KCNQ5: variants seen among roughly 807,000 people sequenced by gnomAD.
The protein encoded by KCNQ5 is potassium voltage-gated channel subfamily KQT member 5.
Under a neutral mutation model 98.2 loss-of-function variants are expected in KCNQ5, and 30 were observed. The observed-to-expected ratio is 0.31, with a 90% CI of 0.23 to 0.41. The LOEUF (loss-of-function observed/expected upper bound fraction) is 0.41, where lower values mean the gene tolerates loss of function less well. KCNQ5 is among the 10% of genes least tolerant of loss of function. The pLI is 1.00. For synonymous variants in KCNQ5, 458 were observed against 449.4 expected, an observed-to-expected ratio of 1.02 and a Z score of -0.24; for missense variants, 835 against 1,182.5, an observed-to-expected ratio of 0.71 and a Z score of 4.31.
intron 1 of KCNQ5, among the ~76,000 whole-genome samples, chr6:72,902,483 A>G (rs547991836): frequency 5.9e-4 from 90 of 152,198 alleles, no homozygotes; most frequent in African/African-American, 1.8e-3. Flanking sequence ...TGGGTTTGTC[A>G]TACATGACTT....
chr6:72,737,466 T>A (rs1770907496), intron 1 of KCNQ5, among the ~76,000 whole-genome samples: 1 of 151,626 alleles, frequency 6.6e-6, no homozygotes, highest in Admixed American at 6.6e-5. Context: ...AAAACACAGG[T>A]GATTTTTTTT....
chr6:72,801,755 T>C (rs561617488), intron 1 of KCNQ5, among the ~76,000 whole-genome samples: 6 of 152,288 alleles, frequency 3.9e-5, no homozygotes, highest in East Asian at 1.9e-4. Context: ...GGTTTTGCAG[T>C]GGCTGGTACC....
chr6:72,649,055 C>T (rs1396903356), intron 1 of KCNQ5, among the ~76,000 whole-genome samples: 1 of 152,080 alleles, frequency 6.6e-6, no homozygotes. Flanking sequence ...CTTCATGTGA[C>T]CAAACAAATG....
intron 1 of KCNQ5, among the ~76,000 whole-genome samples, chr6:72,747,568 T>C (rs1449325557): frequency 6.6e-6 from 1 of 152,104 alleles, no homozygotes; most frequent in African/African-American, 2.4e-5. Context: ...TCTTTCTCAG[T>C]CAGACAATTC....
chr6:72,654,464 C>CA (rs1766041729), intron 1 of KCNQ5, among the ~76,000 whole-genome samples: 1 of 151,952 alleles, frequency 6.6e-6, no homozygotes. Flanking sequence ...GATGGAAATA[C>CA]ATAAATTTGT....
chr6:72,794,684 C>T (rs550953049), intron 1 of KCNQ5, among the ~76,000 whole-genome samples: 2 of 152,228 alleles, frequency 1.3e-5, no homozygotes, highest in East Asian at 1.9e-4. Context: ...AAGGTTAGCA[C>T]TTAATGAGGG....
Position 73,069,821 on chromosome 6 carries a change from G to A in KCNQ5, c.617-7501G>A, listed in dbSNP as rs149588441. On this transcript the variant is annotated intron_variant, in intron 3 of 13. Coordinates refer to ENST00000370398, the MANE Select transcript of KCNQ5 (RefSeq NM_019842.4). ...TGATCTTTCTTCTATGTATTGGAAG[G>A]CCTTTTTTAAATCACAGAGGTAGTA... 6.1e-4 allele frequency among the ~76,000 whole-genome samples: 93 copies of A among 152,258 alleles called. 1 individual carries two copies. Among genetic ancestry groups the A allele is most frequent in the East Asian group, 4.2e-3 (22 of 5,192 alleles).
At chr6:73,116,046 G>A (rs1254689645) in intron 7 of KCNQ5, among the ~76,000 whole-genome samples, 1 of 152,124 alleles carries the variant, frequency 6.6e-6, no homozygotes, top group East Asian at 1.9e-4. Flanking sequence ...GAAAGATCTG[G>A]AATGTAATCA....
intron 1 of KCNQ5, among the ~76,000 whole-genome samples, chr6:72,822,165 G>T (rs572613446): frequency 6.6e-6 from 1 of 152,260 alleles, no homozygotes; most frequent in East Asian, 1.9e-4. Flanking sequence ...GTGACCAGCT[G>T]CAGAGACTAT....
intron 1 of KCNQ5, among the ~76,000 whole-genome samples, chr6:72,975,738 C>T (rs1768131901): frequency 6.6e-6 from 1 of 152,172 alleles, no homozygotes; most frequent in Admixed American, 6.5e-5. Context: ...TGCTTTATTT[C>T]TGTAAGCCAA....
At chr6:72,757,515 A>G (rs1472204164) in intron 1 of KCNQ5, among the ~76,000 whole-genome samples, 1 of 152,198 alleles carries the variant, frequency 6.6e-6, no homozygotes, top group Non-Finnish European at 1.5e-5. Context: ...ACATTAACCT[A>G]CAGTTGGGCA....
chr6:72,816,193 A>C (rs1318597390), intron 1 of KCNQ5, among the ~76,000 whole-genome samples: 1 of 152,160 alleles, frequency 6.6e-6, no homozygotes, highest in Non-Finnish European at 1.5e-5. Context: ...ATGGAACCTG[A>C]GAAGAGATGC....
chr6:72,843,414 C>T (rs1222412565), intron 1 of KCNQ5, among the ~76,000 whole-genome samples: 14 of 152,094 alleles, frequency 9.2e-5, no homozygotes, highest in Non-Finnish European at 2.1e-4. Flanking sequence ...AGTCAGGTAG[C>T]ATGATGCCTC....
At chr6:73,067,330 C>G (rs1186258039) in intron 3 of KCNQ5, among the ~76,000 whole-genome samples, 1 of 152,122 alleles carries the variant, frequency 6.6e-6, no homozygotes, top group African/African-American at 2.4e-5. Flanking sequence ...AATTACTAAT[C>G]TAGAAAAGTG....
At chr6:72,724,287 G>C (rs766591647) in intron 1 of KCNQ5, among the ~76,000 whole-genome samples, 3 of 151,966 alleles carry the variant, frequency 2.0e-5, no homozygotes, top group Non-Finnish European at 4.4e-5. Flanking sequence ...GAAGAAAAAA[G>C]TATACTTGAA....
At chr6:72,842,930 G>A (rs761679409) in intron 1 of KCNQ5, among the ~76,000 whole-genome samples, 1 of 152,136 alleles carries the variant, frequency 6.6e-6, no homozygotes, top group Non-Finnish European at 1.5e-5. Flanking sequence ...CTCCCATTCT[G>A]TAGGTTGCCT....
At chr6:72,753,271 T>C (rs1238475416) in intron 1 of KCNQ5, among the ~76,000 whole-genome samples, 1 of 152,124 alleles carries the variant, frequency 6.6e-6, no homozygotes, top group East Asian at 1.9e-4. Context: ...CATTTTGTTA[T>C]GTGTATCATT....
chr6:72,903,594 G>T (rs1332555346), intron 1 of KCNQ5, among the ~76,000 whole-genome samples: 1 of 152,066 alleles, frequency 6.6e-6, no homozygotes, highest in Non-Finnish European at 1.5e-5. Flanking sequence ...TGACCCAGTG[G>T]TCACTCAGGA....
chr6:72,876,487 A>G (rs1206791769), intron 1 of KCNQ5, among the ~76,000 whole-genome samples: 1 of 152,190 alleles, frequency 6.6e-6, no homozygotes, highest in Non-Finnish European at 1.5e-5. Context: ...GCCTAAGTGG[A>G]TAGTTCTAAT....
Sources: gnomAD v4.1 joint callset for allele counts (sites outside exome capture counted in the v4.1 genomes callset) on GRCh38, gnomAD v4.1.1 for gene constraint, MANE v1.5 for transcripts, NCBI Gene and HGNC (gene_info 2026-07-23, HGNC 2026-07-21) for gene names.